Variants in DNMT1 observed in about 807,000 individuals in gnomAD.
DNMT1 encodes the protein DNA (cytosine-5)-methyltransferase 1.
A neutral mutation model predicts 205.3 loss-of-function variants in DNMT1; 24 were observed. That is an observed-to-expected ratio of 0.12 (90% CI 0.08 to 0.16). The LOEUF is 0.16. DNMT1 is among the 10% of genes least tolerant of loss of function. DNMT1 has a pLI of 1.00. For synonymous variants in DNMT1, 817 were observed against 839.8 expected, an observed-to-expected ratio of 0.97 and a Z score of 0.47; for missense variants, 1,293 against 2,177.7, an observed-to-expected ratio of 0.59 and a Z score of 8.09.
chr19:10,167,031 G>C (rs567069945), intron 10 of DNMT1, among the ~76,000 whole-genome samples: 2 of 152,132 alleles, frequency 1.3e-5, no homozygotes, highest in African/African-American at 4.8e-5. Flanking sequence ...GCTGATGTGC[G>C]ATCAGCGTCA....
Position 10,146,390 on chromosome 19 carries a change from C to G in DNMT1, c.2855G>C (p.Gly952Ala), listed in dbSNP as rs1568228055. The G allele has an allele frequency of 1.9e-6, 3 of 1,614,038 alleles. No homozygotes were observed. The highest frequency in any genetic ancestry group is 1.7e-6 in the Non-Finnish European group (2 of 1,180,008). ...ATKNGILYRV[G>A]DGVYLPPEAF... ...CTCAGGGGGCAGGTACACACCATCA[C>G]CAACTCGGTACAGGATGCCGTTCTT... Residue 952 changes from glycine to alanine, a missense_variant, in exon 28 of 41, where the codon GGT becomes GCT. By Grantham distance (60) the Gly-to-Ala change is moderately conservative. Coordinates refer to ENST00000359526, the MANE Select transcript of DNMT1 (RefSeq NM_001130823.3). The surrounding 1 kb of genome is among the most constrained non-coding windows in gnomAD (Gnocchi z 4.4).
At chr19:10,182,423 ATATG>A (rs765759549) in intron 1 of DNMT1, among the ~76,000 whole-genome samples, 10 of 70,160 alleles carry the variant, frequency 1.4e-4, no homozygotes, top group African/African-American at 4.8e-4. Flanking sequence ...ATGTGTATAT[ATATG>A]TGTGTATATA....
At chr19:10,181,322 A>G (rs1296684574) in intron 2 of DNMT1, among the ~76,000 whole-genome samples, 1 of 149,620 alleles carries the variant, frequency 6.7e-6, no homozygotes, top group Non-Finnish European at 1.5e-5. Context: ...TGGTGGCTTG[A>G]GCCTGTAGTT....
At chr19:10,169,998 A>G (rs976875240) in intron 9 of DNMT1, among the ~76,000 whole-genome samples, 1 of 152,134 alleles carries the variant, frequency 6.6e-6, no homozygotes, top group African/African-American at 2.4e-5. Flanking sequence ...ATGAAAGACC[A>G]GCCTCGGCCG....
chr19:10,158,434 G>C (rs1454171891), intron 17 of DNMT1, among the ~76,000 whole-genome samples: 1 of 152,218 alleles, frequency 6.6e-6, no homozygotes, highest in Non-Finnish European at 1.5e-5. Flanking sequence ...CTGCCTGGGG[G>C]TGCTTCCAAC....
intron 19 of DNMT1, 24 bp from the exon 20 acceptor site, chr19:10,155,080 G>A: frequency 1.2e-6 from 2 of 1,613,754 alleles, no homozygotes; most frequent in Non-Finnish European, 1.7e-6. Flanking sequence ...AGGAGGTGTG[G>A]AAAAGGGGCT....
At chr19:10,139,233 G>C (rs1210774880) in intron 34 of DNMT1, among the ~76,000 whole-genome samples, 2 of 152,182 alleles carry the variant, frequency 1.3e-5, no homozygotes, top group African/African-American at 4.8e-5. Flanking sequence ...GCCATCTGTG[G>C]GGGTTTGTGT....
intron 39 of DNMT1, chr19:10,135,451 G>GGTGTAGATC: frequency 2.1e-6 from 1 of 484,024 alleles, no homozygotes; most frequent in Admixed American, 3.3e-5. Context: ...CGAGTGAGCT[G>GGTGTAGATC]TCGCCACCAT....
chr19:10,140,833 G>C lies in DNMT1; in HGVS notation c.3471C>G (p.Thr1157=). ...CCCCGCAGCCAGAAAACACATCCAG[G>C]GTCCGCAGCTTGGGCAGCTTGATCT... The part of the protein sequence containing the change: ...EIEIKLPKLR[T]LDVFSGCGGL... The change falls in exon 32 of 41, where the codon ACC becomes ACG. Residue 1157 remains threonine, a synonymous_variant. Coordinates refer to ENST00000359526, the MANE Select transcript of DNMT1 (RefSeq NM_001130823.3). The surrounding 1 kb of genome is among the most constrained non-coding windows in gnomAD (Gnocchi z 8.4). The C allele has an allele frequency of 6.2e-7, 1 of 1,614,180 alleles. No individual in the cohort carries two copies. The highest frequency in any genetic ancestry group is 8.5e-7 in the Non-Finnish European group (1 of 1,180,030).
chr19:10,170,285 A>G (rs902815675), intron 9 of DNMT1, among the ~76,000 whole-genome samples: 3 of 151,944 alleles, frequency 2.0e-5, no homozygotes, highest in Non-Finnish European at 4.4e-5. Flanking sequence ...ATTCCATCTC[A>G]ATTAAAAAAA....
chr19:10,152,647 G>A (rs927371997), intron 22 of DNMT1, among the ~76,000 whole-genome samples: 3 of 151,916 alleles, frequency 2.0e-5, no homozygotes, highest in African/African-American at 7.3e-5. Flanking sequence ...TGTGGTCCCA[G>A]CTACTTGGGA....
chr19:10,137,934 G>A lies in DNMT1; in HGVS notation c.4191C>T (p.Ala1397=). ...MSDLPEVRNG[A]SALEISYNGE... ...CGTTGTAGGAGATCTCCAGTGCCGAGGCTCCATTCCGCACCTCCGGCAGGT... is the reference window on the plus strand; with the variant it reads ...CGTTGTAGGAGATCTCCAGTGCCGAAGCTCCATTCCGCACCTCCGGCAGGT... Residue 1397 remains alanine (A), a synonymous_variant, in exon 36 of 41, where the codon GCC becomes GCT. Transcript: ENST00000359526. This position sits in a 1 kb window ranked among gnomAD's most constrained non-coding sequence, Gnocchi z 6.4. The A allele has an allele frequency of 6.2e-7, 1 of 1,612,622 alleles. No homozygotes were observed. The highest frequency in any genetic ancestry group is 8.5e-7 in the Non-Finnish European group (1 of 1,179,588).
chr19:10,144,969 C>T (rs2038167388), intron 28 of DNMT1, among the ~76,000 whole-genome samples: 1 of 152,180 alleles, frequency 6.6e-6, no homozygotes, highest in Admixed American at 6.5e-5. Context: ...GTCTTGAACT[C>T]CTGACAGGCA....
chr19:10,186,127 G>A (rs1424794128), intron 1 of DNMT1, among the ~76,000 whole-genome samples: 2 of 152,154 alleles, frequency 1.3e-5, no homozygotes, highest in East Asian at 3.8e-4. Flanking sequence ...GGGGTGTGAA[G>A]GACAAGGTTC....
Position 10,180,213 on chromosome 19 carries a change from G to A in DNMT1, c.467C>T (p.Ser156Leu). The change falls in exon 5 of 41, where the codon TCA (serine) becomes TTA (leucine). Residue 156 changes from serine (S) to leucine (L), a missense_variant. Physicochemically the swap from Ser to Leu is moderately radical, Grantham distance 145 (BLOSUM62 -2). Transcript: ENST00000359526. ...TCTAATCCCAGTTACTTGGGAGGCTGAGGCAGGAGGGTCTCTTGAACCTGG... is the reference window on the plus strand; with the variant it reads ...TCTAATCCCAGTTACTTGGGAGGCTAAGGCAGGAGGGTCTCTTGAACCTGG... Reference protein sequence around the residue: ...EAKRSRDPPASASQVTGIRAE... With the variant: ...EAKRSRDPPALASQVTGIRAE... 9.6e-7 allele frequency: 1 copy of A among 1,046,752 alleles called. No individual in the cohort carries two copies. Among genetic ancestry groups the A allele is most frequent in the East Asian group, 2.6e-5 (1 of 38,696 alleles). 64.8% of individuals were successfully genotyped at this position (1,046,752 alleles called of 1,614,324 possible). A position where few individuals can be genotyped will look rare whatever the true frequency, so the allele number is the denominator to read the frequency against.
chr19:10,137,352 CTGGGAACA>C lies in DNMT1; in HGVS notation c.4294-80_4294-73del. On this transcript the variant is annotated intron_variant, in intron 36 of 40. Transcript: ENST00000359526. The surrounding 1 kb of genome is among the most constrained non-coding windows in gnomAD (Gnocchi z 6.4). ...CCGAGCATCCATGGTGGGCTGGGAG[CTGGGAACA>C]CCATGGTGACCAGGAAGCCCCCTGG... 2.6e-6 allele frequency: 4 copies of C among 1,526,236 alleles called. No homozygotes were observed. The highest frequency in any genetic ancestry group is 3.5e-6 in the Non-Finnish European group (4 of 1,132,094). 94.5% of individuals were successfully genotyped at this position (1,526,236 alleles called of 1,614,324 possible).
Position 10,151,759 on chromosome 19 carries a change from T to C in DNMT1, c.2108A>G (p.Gln703Arg), listed in dbSNP as rs774333932. The change falls in exon 23 of 41, where the codon CAA (glutamine) becomes CGA (arginine). Residue 703 changes from glutamine (Q) to arginine (R), a missense_variant. Gln to Arg is a conservative substitution (Grantham distance 43). Transcript: ENST00000359526. The surrounding 1 kb of genome is among the most constrained non-coding windows in gnomAD (Gnocchi z 5.0). ...GGSGRSKQAC[Q>R]ERRCPNMAMK... is the part of the protein sequence containing the mutation. Reference sequence around the variant, plus strand: ...ACTCGGCCTGACCTACCTCCGCTCTTGGCAAGCCTGCTTGCTCCGTCCACT... The same window carrying C: ...ACTCGGCCTGACCTACCTCCGCTCTCGGCAAGCCTGCTTGCTCCGTCCACT... The C allele has an allele frequency of 2.5e-6, 4 of 1,614,078 alleles. No individual in the cohort carries two copies. Among genetic ancestry groups the C allele is most frequent in the African/African-American group, 1.3e-5 (1 of 74,930 alleles).
Position 10,149,546 on chromosome 19 carries a change from G to T in DNMT1, c.2493C>A (p.Phe831Leu). 6.2e-7 allele frequency: 1 copy of T among 1,614,010 alleles called. No individual in the cohort carries two copies. The highest frequency in any genetic ancestry group is 8.5e-7 in the Non-Finnish European group (1 of 1,180,000). ...LGATSDPLELFLVDECEDMQL... is the reference protein window; with the variant it reads ...LGATSDPLELLLVDECEDMQL... ...GCATGTCCTCACATTCATCCACCAA[G>T]AACAGCTCCAGAGGGTCCGACGTGG... The change falls in exon 26 of 41, where the codon TTC becomes TTA. Residue 831 changes from phenylalanine to leucine, a missense_variant. Physicochemically the swap from Phe to Leu is conservative, Grantham distance 22 (BLOSUM62 0). Transcript: ENST00000359526.
Position 10,162,601 on chromosome 19 carries a change from G to A in DNMT1, c.1008+66C>T, listed in dbSNP as rs1315262248. 11 of 1,522,586 alleles carry A rather than the reference G, an allele frequency of 7.2e-6. No homozygotes were observed. The African/African-American group carries it at 1.2e-4, about 16-fold the overall frequency. 94.3% of individuals were successfully genotyped at this position (1,522,586 alleles called of 1,614,324 possible). A position where few individuals can be genotyped will look rare whatever the true frequency, so the allele number is the denominator to read the frequency against. ...TTCCTAAGACCAGCCTGGGCAACAT[G>A]GCGAAACCCCGTCTTGGGGAAAAAA... On this transcript the variant is annotated intron_variant, in intron 13 of 40. Transcript: ENST00000359526.
Sources: allele counts gnomAD v4.1 joint callset (sites outside exome capture counted in the v4.1 genomes callset), GRCh38; gene constraint gnomAD v4.1.1; non-coding constraint Gnocchi (gnomAD v3.1); transcripts MANE v1.5; gene names NCBI Gene and HGNC (gene_info 2026-07-23, HGNC 2026-07-21).